The following PRCD variants were observed in gnomAD, a reference collection of about 807,000 sequenced individuals.
The protein encoded by PRCD is photoreceptor disc component, also known as photoreceptor disk component PRCD.
In PRCD, 12 loss-of-function variants were observed where a neutral mutation model predicts 10.1. The ratio of observed to expected loss-of-function variants is 1.18; its 90% CI spans 0.76 to 1.92. PRCD has a LOEUF of 1.92. Among genes scored for constraint, PRCD ranks in the 40% most tolerant of loss-of-function variants. The pLI is 0.00. For synonymous variants in PRCD, 31 were observed against 26.2 expected, an observed-to-expected ratio of 1.18 and a Z score of -0.56; for missense variants, 61 against 72.2, an observed-to-expected ratio of 0.84 and a Z score of 0.56.
intron 2 of PRCD, among the ~76,000 whole-genome samples, chr17:76,542,109 C>T (rs2074998576): frequency 6.6e-6 from 1 of 152,180 alleles, no homozygotes; most frequent in Non-Finnish European, 1.5e-5. Flanking sequence ...AGGTGGCTTG[C>T]TCCAGATCAT....
At chr17:76,542,480 G>A in intron 2 of PRCD, 73 bp from the exon 3 acceptor site, 1 of 1,556,680 alleles carries the variant, frequency 6.4e-7, no homozygotes, top group Non-Finnish European at 8.9e-7. Flanking sequence ...ATGGGAGGAG[G>A]AGGAAGAGGA....
rs75351718 is a variant in PRCD at position 76,529,938 on chromosome 17, C to T, written n.45+2105C>T. The T allele has an allele frequency of 9.6e-3, 9,503 of 985,268 alleles. 120 individuals carry two copies. Among genetic ancestry groups the T allele is most frequent in the South Asian group, 0.084 (1,778 of 21,274 alleles). 61.0% of individuals were successfully genotyped at this position (985,268 alleles called of 1,614,324 possible). A position where few individuals can be genotyped will look rare whatever the true frequency, so the allele number is the denominator to read the frequency against. ...GGGGGGAGGGGAGCAGGAGCCAGCC[C>T]GGGGCCAGTGTGGTCAGCAGCAGGA... On this transcript the variant is annotated intron_variant and non_coding_transcript_variant, in intron 1 of 4. Transcript: ENST00000397633.
At position 76,545,130 on chromosome 17, in the gene PRCD, C is replaced by G. The variant is rs139602114; in HGVS notation, c.*1480C>G. ...AGATTGTGTTTACACCTTCCCCGCACACCCAGCCCACGCTCGCCTCTTATT... is the reference window on the plus strand; with the variant it reads ...AGATTGTGTTTACACCTTCCCCGCAGACCCAGCCCACGCTCGCCTCTTATT... On this transcript the variant is annotated 3_prime_UTR_variant, in exon 5 of 5. Transcript: ENST00000592014. 1,244 of 456,614 alleles carry G rather than the reference C, an allele frequency of 2.7e-3. 4 individuals carry two copies. Among genetic ancestry groups the G allele is most frequent in the Non-Finnish European group, 4.1e-3 (930 of 226,984 alleles). 28.3% of individuals were successfully genotyped at this position (456,614 alleles called of 1,614,324 possible). A position where few individuals can be genotyped will look rare whatever the true frequency, so the allele number is the denominator to read the frequency against.
intron 2 of PRCD, among the ~76,000 whole-genome samples, chr17:76,542,225 C>G (rs2075000327): frequency 6.6e-6 from 1 of 152,162 alleles, no homozygotes; most frequent in South Asian, 2.1e-4. Flanking sequence ...AAGGCCAAAT[C>G]TGAGGACCAT....
Position 76,530,900 on chromosome 17 carries a change from C to A in PRCD, n.45+3067C>A, listed in dbSNP as rs1385726864. On this transcript the variant is annotated intron_variant and non_coding_transcript_variant, in intron 1 of 4. Coordinates refer to the PRCD transcript ENST00000397633. This position sits in a 1 kb window ranked among gnomAD's most constrained non-coding sequence, Gnocchi z 6.1. ...GCCCAGGTGATCAGCCCCAGGGCCT[C>A]AGGAGATATGGGAGACCTCGGGGAC... The A allele has an allele frequency of 8.2e-6, 12 of 1,458,226 alleles. No individual in the cohort carries two copies. The highest frequency in any genetic ancestry group is 1.4e-5 in the African/African-American group (1 of 70,454). 90.3% of individuals were successfully genotyped at this position (1,458,226 alleles called of 1,614,324 possible). A position where few individuals can be genotyped will look rare whatever the true frequency, so the allele number is the denominator to read the frequency against.
upstream of PRCD, chr17:76,540,006 T>C: frequency 4.4e-6 from 4 of 906,676 alleles, no homozygotes; most frequent in Non-Finnish European, 6.9e-6. This position sits in a 1 kb window ranked among gnomAD's most constrained non-coding sequence, Gnocchi z 5.0. Flanking sequence ...CTAATCAGCT[T>C]GAGCCTCCTA....
rs200052841 is a variant in PRCD at position 76,531,177 on chromosome 17, C to T, written n.45+3344C>T. 326 of 1,596,658 alleles carry T rather than the reference C, an allele frequency of 2.0e-4. 1 individual carries two copies. The East Asian group carries it at 2.7e-3, about 13-fold the overall frequency. ...AAGGGAGGAAGGGGGAGTGAACGCCCGGGCGCCCTGCGTCCTGCAACCCCC... is the reference window on the plus strand; with the variant it reads ...AAGGGAGGAAGGGGGAGTGAACGCCTGGGCGCCCTGCGTCCTGCAACCCCC... On this transcript the variant is annotated intron_variant and non_coding_transcript_variant, in intron 1 of 4. Coordinates refer to the PRCD transcript ENST00000397633. This position sits in a 1 kb window ranked among gnomAD's most constrained non-coding sequence, Gnocchi z 7.4.
chr17:76,537,500 G>A (rs374058686), upstream of PRCD: 2 of 1,578,742 alleles, frequency 1.3e-6, no homozygotes, highest in Non-Finnish European at 1.7e-6. Flanking sequence ...TCCTCGCTCC[G>A]CTCCCTGCGC....
intron 1 of PRCD, chr17:76,552,896 AT>A (rs1230565536): frequency 7.9e-6 from 1 of 126,646 alleles, no homozygotes; most frequent in African/African-American, 3.3e-5. Flanking sequence ...ATATATATAT[AT>A]AAAAATATAT....
In PRCD at chr17:76,533,988, T is replaced by C. The variant is rs2143100221; in HGVS notation, n.45+6155T>C. Among the ~76,000 whole-genome samples the C allele has an allele frequency of 6.6e-6, 1 of 151,424 alleles. No individual in the cohort carries two copies. The highest frequency in any genetic ancestry group is 2.0e-4 in the East Asian group (1 of 5,072). Reference sequence around the variant, plus strand: ...CAGGATTGGAGGCTGCCATGAGCCATGATGGCGCCACCGTACTCCAGCTTG... The same window carrying C: ...CAGGATTGGAGGCTGCCATGAGCCACGATGGCGCCACCGTACTCCAGCTTG... On this transcript the variant is annotated intron_variant and non_coding_transcript_variant, in intron 1 of 4. Transcript: ENST00000397633. The surrounding 1 kb of genome is among the most constrained non-coding windows in gnomAD (Gnocchi z 4.5).
chr17:76,529,495 G>A (rs1171208421), intron 1 of PRCD: 1 of 985,334 alleles, frequency 1.0e-6, no homozygotes, highest in Non-Finnish European at 1.2e-6. Context: ...TGGGCCATGT[G>A]TTTCTGATTC....
upstream of PRCD, chr17:76,537,506 T>A (rs2074932301): frequency 6.3e-7 from 1 of 1,578,110 alleles, no homozygotes; most frequent in Non-Finnish European, 8.6e-7. Flanking sequence ...CTCCGCTCCC[T>A]GCGCTCGATC....
chr17:76,527,644 C>T (rs1009663461), upstream of PRCD: 16 of 453,746 alleles, frequency 3.5e-5, no homozygotes, highest in Non-Finnish European at 6.2e-5. Context: ...CCTCGGCCCT[C>T]GGAGCTGAGG....
At chr17:76,546,828 T>G (rs954410331), downstream of PRCD, 3 of 152,228 alleles carry the variant, frequency 2.0e-5, no homozygotes, top group Non-Finnish European at 4.4e-5. This position sits in a 1 kb window ranked among gnomAD's most constrained non-coding sequence, Gnocchi z 4.5. Context: ...GTTTCATTTA[T>G]GCGGCAGGAA....
rs753379335 is a variant in PRCD, at chr17:76,528,812, T to C, written n.45+979T>C. ...GCTGTGTGATCTCAGGCAAGTCTAC[T>C]GGCCCATGGGAGCTCCGGATCTTTT... is the stretch of plus-strand genomic sequence containing the variant. On this transcript the variant is annotated intron_variant and non_coding_transcript_variant, in intron 1 of 4. Transcript: ENST00000397633. This position sits in a 1 kb window ranked among gnomAD's most constrained non-coding sequence, Gnocchi z 5.8. 36 of 1,118,586 alleles carry C rather than the reference T, an allele frequency of 3.2e-5. No individual in the cohort carries two copies. The highest frequency in any genetic ancestry group is 4.1e-5 in the Non-Finnish European group (36 of 881,978). The allele number at this position is 1,118,586 out of a possible 1,614,324, so 69.3% of individuals were successfully genotyped here.
chr17:76,537,378 G>A, upstream of PRCD: 1 of 1,574,784 alleles, frequency 6.4e-7, no homozygotes, highest in Non-Finnish European at 8.6e-7. Context: ...CCCAGGGCCC[G>A]GCCGGGCCGG....
chr17:76,533,305 G>A lies in PRCD; in HGVS notation n.45+5472G>A, dbSNP rs2074870387. 6.6e-6 allele frequency among the ~76,000 whole-genome samples: 1 copy of A among 152,228 alleles called. No homozygotes were observed. ...CATGGATACACGGGTGAGGACACGT[G>A]AGGCGACGGGTCTGAAAATACATTG... On this transcript the variant is annotated intron_variant and non_coding_transcript_variant, in intron 1 of 4. Coordinates refer to the PRCD transcript ENST00000397633. The surrounding 1 kb of genome is among the most constrained non-coding windows in gnomAD (Gnocchi z 4.5).
chr17:76,528,408 C>T lies in PRCD; in HGVS notation n.45+575C>T, dbSNP rs2074791668. The T allele has an allele frequency of 3.5e-6, 2 of 571,684 alleles. No homozygotes were observed. Among genetic ancestry groups the T allele is most frequent in the African/African-American group, 1.9e-5 (1 of 51,726 alleles). 35.4% of individuals were successfully genotyped at this position (571,684 alleles called of 1,614,324 possible). ...GCATCCAGGCAGCCAGCGCCGCCTC[C>T]CAGCAGCTCCAGGGGGGGACCCTGG... On this transcript the variant is annotated intron_variant and non_coding_transcript_variant, in intron 1 of 4. Coordinates refer to the PRCD transcript ENST00000397633. The surrounding 1 kb of genome is among the most constrained non-coding windows in gnomAD (Gnocchi z 5.8).
In PRCD at chr17:76,544,582, C is replaced by T. The variant is rs117784164; in HGVS notation, c.*932C>T. On this transcript the variant is annotated 3_prime_UTR_variant, in exon 5 of 5. Transcript: ENST00000592014. The stretch of plus-strand genomic sequence containing the variant: ...GGAGCCTGCAGAGGCAAAGCCAGAG[C>T]GCCAGCCTGACCCAGGCCGTGAGCC... 7.3e-4 allele frequency: 333 copies of T among 456,678 alleles called. 4 individuals are homozygous for T. In the East Asian group the frequency reaches 8.8e-3, roughly 12 times the overall value. The allele number at this position is 456,678 out of a possible 1,614,324, so 28.3% of individuals were successfully genotyped here. A position where few individuals can be genotyped will look rare whatever the true frequency, so the allele number is the denominator to read the frequency against.
Sources: allele counts gnomAD v4.1 joint callset (sites outside exome capture counted in the v4.1 genomes callset), GRCh38; gene constraint gnomAD v4.1.1; non-coding constraint Gnocchi (gnomAD v3.1); transcripts MANE v1.5; gene names NCBI Gene and HGNC (gene_info 2026-07-23, HGNC 2026-07-21).